Variants in PDE10A observed in about 807,000 individuals in gnomAD.
The protein encoded by PDE10A is phosphodiesterase 10A.
In PDE10A, 39 loss-of-function variants were observed where a neutral mutation model predicts 97.7. That is an observed-to-expected ratio of 0.40 (90% CI 0.31 to 0.52). The LOEUF is 0.52. Ranked by LOEUF, PDE10A falls within the 20% of genes least tolerant of loss-of-function variation. The probability of loss-of-function intolerance (pLI) is 0.56; values close to 1 mark genes in which losing one functional copy is unlikely to be tolerated. For synonymous variants in PDE10A, 371 were observed against 376.8 expected (o/e 0.98, Z 0.18); for missense variants, 731 against 1,047.8 (o/e 0.70, Z 4.17).
At chr6:165,908,730 C>T (rs941335207) in intron 1 of PDE10A, 1 of 152,200 alleles carries the variant, frequency 6.6e-6, no homozygotes, top group Non-Finnish European at 1.5e-5. Flanking sequence ...CATCCCAATC[C>T]GTGAATAGGA....
intron 1 of PDE10A, among the ~76,000 whole-genome samples, chr6:165,701,244 A>G (rs1791562383): frequency 6.6e-6 from 1 of 152,220 alleles, no homozygotes; most frequent in African/African-American, 2.4e-5. Flanking sequence ...TGTCCAGGCG[A>G]CAATTGATAG....
intron 1 of PDE10A, among the ~76,000 whole-genome samples, chr6:165,877,268 G>A (rs1199361264): frequency 2.0e-5 from 3 of 152,122 alleles, no homozygotes; most frequent in African/African-American, 7.2e-5. Context: ...ATTCCACATA[G>A]GATTTGATGC....
intron 1 of PDE10A, among the ~76,000 whole-genome samples, chr6:165,752,023 G>C (rs139340511): frequency 6.7e-6 from 1 of 149,410 alleles, no homozygotes; most frequent in Non-Finnish European, 1.5e-5. Flanking sequence ...GGCACCTATA[G>C]TCCCAGCTAC....
At chr6:165,971,882 G>A (rs1784686318) in intron 1 of PDE10A, among the ~76,000 whole-genome samples, 1 of 151,992 alleles carries the variant, frequency 6.6e-6, no homozygotes, top group South Asian at 2.1e-4. Context: ...AGACTACCCA[G>A]ATTTCACTCT....
At chr6:165,597,732 T>C (rs1483182218) in intron 1 of PDE10A, among the ~76,000 whole-genome samples, 1 of 152,190 alleles carries the variant, frequency 6.6e-6, no homozygotes, top group Non-Finnish European at 1.5e-5. Context: ...GTGCACAAGA[T>C]CTCAGCAACA....
chr6:165,427,817 CAAGAG>C (rs1409615237), intron 10 of PDE10A, among the ~76,000 whole-genome samples: 8 of 152,012 alleles, frequency 5.3e-5, no homozygotes, highest in Non-Finnish European at 1.0e-4. Flanking sequence ...TGTTTCATAA[CAAGAG>C]AAGTTATTTT....
At chr6:165,549,257 A>G (rs1472891738) in intron 1 of PDE10A, among the ~76,000 whole-genome samples, 1 of 152,246 alleles carries the variant, frequency 6.6e-6, no homozygotes, top group Non-Finnish European at 1.5e-5. Context: ...CAACAAACAT[A>G]TAAGGTGGGT....
At chr6:165,902,550 C>A (rs9365937) in intron 1 of PDE10A, among the ~76,000 whole-genome samples, 8 of 152,178 alleles carry the variant, frequency 5.3e-5, no homozygotes, top group African/African-American at 1.9e-4. Flanking sequence ...TGGCTCTCTT[C>A]GGCATTCCTT....
chr6:165,559,002 A>AT (rs1478813821), intron 1 of PDE10A, among the ~76,000 whole-genome samples: 3 of 152,044 alleles, frequency 2.0e-5, no homozygotes, highest in African/African-American at 7.3e-5. Flanking sequence ...TTCAAGTAAA[A>AT]AAAAAAATTA....
At position 165,482,276 on chromosome 6, in the gene PDE10A, C is replaced by A. The variant is rs780891345; in HGVS notation, c.1023+39G>T. 3 of 1,350,022 alleles carry A rather than the reference C, an allele frequency of 2.2e-6. No individual in the cohort carries two copies. The Admixed American group carries it at 5.0e-5, about 23-fold the overall frequency. 83.6% of individuals were successfully genotyped at this position (1,350,022 alleles called of 1,614,324 possible). A position where few individuals can be genotyped will look rare whatever the true frequency, so the allele number is the denominator to read the frequency against. The stretch of plus-strand genomic sequence containing the variant: ...GAGATAAACAAAACAGATTCATTTC[C>A]TATACTGCAGTAGTAGAAATAATAT... On this transcript the variant is annotated intron_variant, in intron 3 of 21. Coordinates refer to ENST00000539869, the MANE Select transcript of PDE10A (RefSeq NM_001385079.1).
chr6:165,838,125 A>C (rs908357594), intron 1 of PDE10A, among the ~76,000 whole-genome samples: 2 of 152,226 alleles, frequency 1.3e-5, no homozygotes, highest in South Asian at 4.1e-4. Context: ...GGGTTTGAGT[A>C]ACATTATAAA....
At chr6:165,632,200 C>CAAAAAAAA (rs71552885) in intron 1 of PDE10A, among the ~76,000 whole-genome samples, 4 of 67,258 alleles carry the variant, frequency 5.9e-5, no homozygotes, top group Admixed American at 4.1e-4. Context: ...GAGTCCATCT[C>CAAAAAAAA]AAAAAAAAAA....
In PDE10A at chr6:165,819,999, G is replaced by T. The variant is rs925237319; in HGVS notation, c.-615+167530C>A. Reference sequence around the variant, plus strand: ...CAAGTTAGTAATATAAAATTTAGGAGAAAATTTTAAAAATGAAATATATTT... The same window carrying T: ...CAAGTTAGTAATATAAAATTTAGGATAAAATTTTAAAAATGAAATATATTT... On this transcript the variant is annotated intron_variant, in intron 1 of 19. Coordinates refer to the PDE10A transcript ENST00000366882. This position sits in a 1 kb window ranked among gnomAD's most constrained non-coding sequence, Gnocchi z 4.2. Among the ~76,000 whole-genome samples the T allele has an allele frequency of 2.6e-5, 4 of 152,116 alleles. No homozygotes were observed. Among genetic ancestry groups the T allele is most frequent in the African/African-American group, 9.7e-5 (4 of 41,420 alleles).
At chr6:165,422,262 CACACACATACGCAT>C (rs1788747474) in intron 10 of PDE10A, among the ~76,000 whole-genome samples, 1 of 151,888 alleles carries the variant, frequency 6.6e-6, no homozygotes, top group African/African-American at 2.4e-5. Flanking sequence ...CTCCCTTATA[CACACACATACGCAT>C]ACACACACAC....
At chr6:165,646,253 G>A (rs1789392878) in intron 1 of PDE10A, among the ~76,000 whole-genome samples, 1 of 152,196 alleles carries the variant, frequency 6.6e-6, no homozygotes, top group African/African-American at 2.4e-5. Flanking sequence ...TCTGGAAACG[G>A]CTCTCCATTT....
chr6:165,659,795 C>A (rs948123073), intron 1 of PDE10A, among the ~76,000 whole-genome samples: 15 of 152,272 alleles, frequency 9.9e-5, no homozygotes, highest in African/African-American at 2.9e-4. Flanking sequence ...GTATTGTGTT[C>A]CTAAAGGGAG....
intron 18 of PDE10A, among the ~76,000 whole-genome samples, chr6:165,373,604 G>A (rs1245496022): frequency 3.9e-5 from 6 of 152,126 alleles, no homozygotes; most frequent in African/African-American, 1.4e-4. Flanking sequence ...AGGATATGGA[G>A]AAATAGGAAC....
At chr6:165,810,198 G>A (rs909486161) in intron 1 of PDE10A, among the ~76,000 whole-genome samples, 2 of 152,174 alleles carry the variant, frequency 1.3e-5, no homozygotes, top group Non-Finnish European at 2.9e-5. Flanking sequence ...CATTCTGGCC[G>A]GGGAGGAGAG....
At chr6:165,354,133 G>A (rs1373605301) in intron 18 of PDE10A, among the ~76,000 whole-genome samples, 1 of 152,132 alleles carries the variant, frequency 6.6e-6, no homozygotes, top group Non-Finnish European at 1.5e-5. Flanking sequence ...TAACAGCTAA[G>A]TTCCAAAAGA....
Sources: allele counts gnomAD v4.1 joint callset (sites outside exome capture counted in the v4.1 genomes callset), GRCh38; gene constraint gnomAD v4.1.1; non-coding constraint Gnocchi (gnomAD v3.1); transcripts MANE v1.5; gene names NCBI Gene and HGNC (gene_info 2026-07-23, HGNC 2026-07-21).